FBLN2: variants seen among roughly 807,000 people sequenced by gnomAD.
FBLN2 encodes fibulin 2.
A neutral mutation model predicts 123.7 loss-of-function variants in FBLN2; 81 were observed. The ratio of observed to expected loss-of-function variants is 0.65; its 90% CI spans 0.55 to 0.79. FBLN2 has a LOEUF of 0.79. FBLN2 is among the 30% of genes least tolerant of loss of function. FBLN2 has a pLI of 0.00. For missense variants in FBLN2, 1,603 were observed against 1,681.3 expected, an observed-to-expected ratio of 0.95 and a Z score of 0.81; for synonymous variants, 699 against 701.4, an observed-to-expected ratio of 1.00 and a Z score of 0.05.
chr3:13,592,405 T>G (rs576456915), intron 2 of FBLN2, among the ~76,000 whole-genome samples: 28 of 152,344 alleles, frequency 1.8e-4, no homozygotes, highest in African/African-American at 6.7e-4. Flanking sequence ...TGTAGCCTTG[T>G]AGTAATTTTT....
chr3:13,630,002 C>T lies in FBLN2; in HGVS notation c.2968+57C>T, dbSNP rs978421080. The T allele has an allele frequency of 1.1e-5, 18 of 1,594,642 alleles. 1 individual carries two copies. The highest frequency in any genetic ancestry group is 6.8e-5 in the South Asian group (6 of 88,128). ...GCCTGGTATCTGTAGTGGGCAGACC[C>T]GCCGTGGAAGGCCCAGAGCCTTCTG... On this transcript the variant is annotated intron_variant, in intron 14 of 17. Transcript: ENST00000404922.
chr3:13,560,438 G>C (rs1703572727), intron 1 of FBLN2, among the ~76,000 whole-genome samples: 1 of 152,144 alleles, frequency 6.6e-6, no homozygotes, highest in Admixed American at 6.5e-5. Context: ...TTCACGTGTA[G>C]GGCTTGCCCT....
chr3:13,601,159 G>A (rs138028665), intron 2 of FBLN2, among the ~76,000 whole-genome samples: 1 of 152,300 alleles, frequency 6.6e-6, no homozygotes, highest in African/African-American at 2.4e-5. Flanking sequence ...TGCTAGCGCT[G>A]CTATATTTCA....
At position 13,621,660 on chromosome 3, in the gene FBLN2, GCC is replaced by G. The variant is rs1027852367; in HGVS notation, c.2156-112_2156-111del. The G allele has an allele frequency of 3.6e-6, 4 of 1,118,576 alleles. No homozygotes were observed. In the African/African-American group the frequency reaches 6.2e-5, roughly 17 times the overall value. 69.3% of individuals were successfully genotyped at this position (1,118,576 alleles called of 1,614,324 possible). ...CAGCTACACACAGTCAGGCGGGGAG[GCC>G]CCAGACAGGCCCCTGCCCCTTGCTG... is the stretch of plus-strand genomic sequence containing the variant. On this transcript the variant is annotated intron_variant, in intron 8 of 17. Coordinates refer to ENST00000404922, the MANE Select transcript of FBLN2 (RefSeq NM_001004019.2).
chr3:13,576,233 T>G (rs978811299), intron 2 of FBLN2, among the ~76,000 whole-genome samples: 17 of 152,156 alleles, frequency 1.1e-4, no homozygotes, highest in African/African-American at 3.9e-4. Context: ...AGGCCACAGC[T>G]ATGGGCAGCA....
intron 1 of FBLN2, among the ~76,000 whole-genome samples, chr3:13,559,962 G>T (rs1574942805): frequency 1.3e-5 from 2 of 152,288 alleles, no homozygotes; most frequent in East Asian, 1.9e-4. Flanking sequence ...GGTGGGGAGG[G>T]TGGTGATCTC....
chr3:13,593,053 C>G (rs1454653723), intron 2 of FBLN2, among the ~76,000 whole-genome samples: 1 of 152,238 alleles, frequency 6.6e-6, no homozygotes, highest in Non-Finnish European at 1.5e-5. Context: ...TTGGATTTCA[C>G]ATGTGCCATA....
At chr3:13,574,841 G>A (rs933353704) in intron 2 of FBLN2, among the ~76,000 whole-genome samples, 4 of 152,144 alleles carry the variant, frequency 2.6e-5, no homozygotes, top group Admixed American at 1.3e-4. Context: ...AAGAGGCTCA[G>A]TTGGGCAGCC....
rs1476997763 is a variant in FBLN2 at position 13,629,412 on chromosome 3, C to T, written c.2842+120C>T. 9 of 1,340,688 alleles carry T rather than the reference C, an allele frequency of 6.7e-6. No homozygotes were observed. In the Admixed American group the frequency reaches 2.0e-4, roughly 30 times the overall value. 83.0% of individuals were successfully genotyped at this position (1,340,688 alleles called of 1,614,324 possible). A position where few individuals can be genotyped will look rare whatever the true frequency, so the allele number is the denominator to read the frequency against. On this transcript the variant is annotated intron_variant, in intron 13 of 17. Transcript: ENST00000404922. ...CTGAGTGGGGCCCACCTGCTGGAGTCCACAAGGTCGCCTTCCAGCTGGCCT... is the reference window on the plus strand; with the variant it reads ...CTGAGTGGGGCCCACCTGCTGGAGTTCACAAGGTCGCCTTCCAGCTGGCCT...
At chr3:13,565,187 C>G (rs1458220323) in intron 1 of FBLN2, among the ~76,000 whole-genome samples, 2 of 152,200 alleles carry the variant, frequency 1.3e-5, no homozygotes, top group Non-Finnish European at 2.9e-5. Context: ...GTACGTAACC[C>G]CAGGTGTGAA....
rs748195439 is a variant in FBLN2, at chr3:13,570,343, G to T, written c.-13G>T. 1.3e-6 allele frequency: 2 copies of T among 1,530,298 alleles called. No individual in the cohort carries two copies. Among genetic ancestry groups the T allele is most frequent in the Non-Finnish European group, 8.8e-7 (1 of 1,135,104 alleles). The allele number at this position is 1,530,298 out of a possible 1,614,324, so 94.8% of individuals were successfully genotyped here. A position where few individuals can be genotyped will look rare whatever the true frequency, so the allele number is the denominator to read the frequency against. ...CTTACAGGAGAGGGGACCGTCCTGGGCTGGCCTGGACCATGGTGCTGCTCT... is the reference window on the plus strand; with the variant it reads ...CTTACAGGAGAGGGGACCGTCCTGGTCTGGCCTGGACCATGGTGCTGCTCT... On this transcript the variant is annotated 5_prime_UTR_variant, in exon 2 of 18. Transcript: ENST00000404922.
intron 2 of FBLN2, among the ~76,000 whole-genome samples, chr3:13,580,090 T>C (rs1704274389): frequency 6.6e-6 from 1 of 152,192 alleles, no homozygotes; most frequent in African/African-American, 2.4e-5. Flanking sequence ...TAGTGTTCCG[T>C]TGCAGGGATC....
At chr3:13,617,949 C>A in intron 5 of FBLN2, 127 bp from the exon 6 acceptor site, 1 of 791,450 alleles carries the variant, frequency 1.3e-6, no homozygotes, top group Non-Finnish European at 2.1e-6. Flanking sequence ...CTGCTTCATC[C>A]ATCCTTGCTG....
chr3:13,561,747 T>C (rs1703615251), intron 1 of FBLN2, among the ~76,000 whole-genome samples: 1 of 152,218 alleles, frequency 6.6e-6, no homozygotes, highest in Non-Finnish European at 1.5e-5. Flanking sequence ...AGGACTTTCT[T>C]TCATCTTGTT....
rs112527698 is a variant in FBLN2, at chr3:13,636,348, G to A, written c.3215-97G>A. ...GCACGCGGGCTATTCTCACAGGTCC[G>A]GCTGCCGTGGGGCCCAGGCCTTTCA... On this transcript the variant is annotated intron_variant, in intron 16 of 17. Coordinates refer to ENST00000404922, the MANE Select transcript of FBLN2 (RefSeq NM_001004019.2). 13,646 of 1,481,798 alleles carry A rather than the reference G, an allele frequency of 9.2e-3. 128 individuals carry two copies. Among genetic ancestry groups the A allele is most frequent in the Middle Eastern group, 0.037 (193 of 5,206 alleles). The allele number at this position is 1,481,798 out of a possible 1,614,324, so 91.8% of individuals were successfully genotyped here. A position where few individuals can be genotyped will look rare whatever the true frequency, so the allele number is the denominator to read the frequency against.
intron 9 of FBLN2, among the ~76,000 whole-genome samples, chr3:13,625,786 C>A (rs560606739): frequency 6.6e-6 from 1 of 151,752 alleles, no homozygotes; most frequent in South Asian, 2.1e-4. Context: ...ATCCTTGCTC[C>A]AAATAAATAA....
chr3:13,566,720 C>G (rs75407266), intron 1 of FBLN2, among the ~76,000 whole-genome samples: 1 of 152,226 alleles, frequency 6.6e-6, no homozygotes, highest in South Asian at 2.1e-4. Context: ...GAGCTCACAC[C>G]CCATGTGACA....
chr3:13,575,938 G>A (rs1167083774), intron 2 of FBLN2, among the ~76,000 whole-genome samples: 2 of 152,148 alleles, frequency 1.3e-5, no homozygotes, highest in Non-Finnish European at 2.9e-5. Context: ...TAGGGAGATG[G>A]AGCCTACCTC....
intron 2 of FBLN2, among the ~76,000 whole-genome samples, chr3:13,578,720 G>T (rs1332610277): frequency 2.0e-5 from 3 of 152,166 alleles, no homozygotes; most frequent in Non-Finnish European, 4.4e-5. Context: ...GAGTGGCATT[G>T]CTGGGCCACA....
Sources: allele counts gnomAD v4.1 joint callset (sites outside exome capture counted in the v4.1 genomes callset), GRCh38; gene constraint gnomAD v4.1.1; transcripts MANE v1.5; gene names NCBI Gene and HGNC (gene_info 2026-07-23, HGNC 2026-07-21).